WWP2: variants seen among roughly 807,000 people sequenced by gnomAD.
The protein encoded by WWP2 is NEDD4-like E3 ubiquitin-protein ligase WWP2.
In WWP2, 57 loss-of-function variants were observed where a neutral mutation model predicts 121.0. The observed-to-expected ratio is 0.47, with a 90% CI of 0.38 to 0.59. The LOEUF (loss-of-function observed/expected upper bound fraction) is 0.59, where lower values mean the gene tolerates loss of function less well. Among genes scored for constraint, WWP2 ranks in the 20% least tolerant of loss-of-function variants. WWP2 has a pLI of 0.00. For synonymous variants in WWP2, 449 were observed against 441.3 expected, an observed-to-expected ratio of 1.02 and a Z score of -0.22; for missense variants, 962 against 1,158.9, an observed-to-expected ratio of 0.83 and a Z score of 2.47.
At chr16:69,882,995 A>T (rs1361428732) in intron 7 of WWP2, among the ~76,000 whole-genome samples, 1 of 151,958 alleles carries the variant, frequency 6.6e-6, no homozygotes, top group Non-Finnish European at 1.5e-5. Flanking sequence ...TCTACTAAAA[A>T]TACAAAAATT....
At chr16:69,920,661 T>G (rs991793541) in intron 10 of WWP2, among the ~76,000 whole-genome samples, 2 of 151,836 alleles carry the variant, frequency 1.3e-5, no homozygotes, top group Non-Finnish European at 2.9e-5. Flanking sequence ...GGTGCACACC[T>G]GTAATTCCAG....
At chr16:69,926,321 G>A (rs1465562942) in intron 11 of WWP2, among the ~76,000 whole-genome samples, 2 of 152,284 alleles carry the variant, frequency 1.3e-5, no homozygotes, top group East Asian at 3.9e-4. Flanking sequence ...CAGTTTTTGC[G>A]GGAACCAGCA....
intron 21 of WWP2, among the ~76,000 whole-genome samples, chr16:69,938,180 A>T (rs561600878): frequency 2.7e-5 from 4 of 148,584 alleles, no homozygotes; most frequent in Admixed American, 6.7e-5. Context: ...TTAACTATTA[A>T]TTTTTTTTTT....
intron 7 of WWP2, among the ~76,000 whole-genome samples, chr16:69,885,731 C>T (rs1271218221): frequency 6.6e-6 from 1 of 152,152 alleles, no homozygotes; most frequent in Non-Finnish European, 1.5e-5. Flanking sequence ...GGTGTTGTAG[C>T]CTCTTTGAGC....
At chr16:69,877,931 C>A (rs1056738053) in intron 7 of WWP2, among the ~76,000 whole-genome samples, 1 of 152,160 alleles carries the variant, frequency 6.6e-6, no homozygotes, top group South Asian at 2.1e-4. Flanking sequence ...CCTCAGCCCC[C>A]CCAGTAGCTG....
intron 7 of WWP2, among the ~76,000 whole-genome samples, chr16:69,876,963 A>C (rs2057746335): frequency 6.6e-6 from 1 of 152,144 alleles, no homozygotes; most frequent in Non-Finnish European, 1.5e-5. Context: ...AGCAGAGTAG[A>C]TTTAGCATAA....
chr16:69,867,278 C>T (rs1327162165), intron 6 of WWP2, among the ~76,000 whole-genome samples: 1 of 152,142 alleles, frequency 6.6e-6, no homozygotes, highest in African/African-American at 2.4e-5. Context: ...GGCTCACTCA[C>T]CAGCAGGTGG....
chr16:69,799,712 C>A lies in WWP2; in HGVS notation c.340+417C>A, dbSNP rs893665155. On this transcript the variant is annotated intron_variant, in intron 4 of 23. Transcript: ENST00000359154. This position sits in a 1 kb window ranked among gnomAD's most constrained non-coding sequence, Gnocchi z 4.5. ...TACGTATATGTGTGTGTGTGCATGC[C>A]TGTGTGCATGTGTGCACGTGTGTGT... 6.6e-6 allele frequency among the ~76,000 whole-genome samples: 1 copy of A among 152,014 alleles called. No individual in the cohort carries two copies. The highest frequency in any genetic ancestry group is 2.4e-5 in the African/African-American group (1 of 41,312).
Position 69,827,266 on chromosome 16 carries a change from T to G in WWP2, c.341-12860T>G, listed in dbSNP as rs187679915. ...ATTTTTCCCTGGTTCATTTATTTCTTTGCCCCTTTGTATACTTATTTTTAC... is the reference window on the plus strand; with the variant it reads ...ATTTTTCCCTGGTTCATTTATTTCTGTGCCCCTTTGTATACTTATTTTTAC... On this transcript the variant is annotated intron_variant, in intron 4 of 23. Transcript: ENST00000359154. Among the ~76,000 whole-genome samples the G allele has an allele frequency of 1.9e-3, 292 of 152,288 alleles. 3 individuals are homozygous for G. The highest frequency in any genetic ancestry group is 6.6e-3 in the African/African-American group (273 of 41,564).
intron 4 of WWP2, among the ~76,000 whole-genome samples, chr16:69,839,703 C>G (rs2056940175): frequency 6.6e-6 from 1 of 152,222 alleles, no homozygotes; most frequent in Admixed American, 6.5e-5. Context: ...CCTGCAATCC[C>G]TCATCTAGAT....
rs2058621934 is a variant in WWP2 at position 69,925,199 on chromosome 16, T to C, written c.1180-231T>C. Reference sequence around the variant, plus strand: ...CCCGTCGCTCTGCCTTTTCCAAAACTCACTTGGGCCCTCCGTGCGCAGGGT... The same window carrying C: ...CCCGTCGCTCTGCCTTTTCCAAAACCCACTTGGGCCCTCCGTGCGCAGGGT... On this transcript the variant is annotated intron_variant, in intron 10 of 23. Transcript: ENST00000359154. This position sits in a 1 kb window ranked among gnomAD's most constrained non-coding sequence, Gnocchi z 4.0. The C allele has an allele frequency of 7.4e-7, 1 of 1,355,804 alleles. No individual in the cohort carries two copies. The highest frequency in any genetic ancestry group is 9.5e-7 in the Non-Finnish European group (1 of 1,053,094). The allele number at this position is 1,355,804 out of a possible 1,614,324, so 84.0% of individuals were successfully genotyped here.
At chr16:69,917,585 G>T in intron 9 of WWP2, 124 bp from the exon 10 acceptor site, 1 of 1,146,024 alleles carries the variant, frequency 8.7e-7, no homozygotes. Flanking sequence ...GCTATAATCA[G>T]CTAAGCCCCA....
In WWP2 at chr16:69,799,160, TA is replaced by T. The variant is rs1463525949; in HGVS notation, c.219-13del. The T allele has an allele frequency of 6.2e-7, 1 of 1,607,654 alleles. No homozygotes were observed. Among genetic ancestry groups the T allele is most frequent in the Admixed American group, 1.7e-5 (1 of 58,348 alleles). On this transcript the variant is annotated splice_polypyrimidine_tract_variant and intron_variant, in intron 3 of 23. Transcript: ENST00000359154. This position sits in a 1 kb window ranked among gnomAD's most constrained non-coding sequence, Gnocchi z 4.5. ...ATCTGCTTGGATGTAATGAATCAGG[TA>T]TTTGTTTTTCAGGAATGTCACGGCA...
intron 7 of WWP2, among the ~76,000 whole-genome samples, chr16:69,878,765 C>G (rs781423690): frequency 3.3e-5 from 5 of 152,114 alleles, no homozygotes; most frequent in Non-Finnish European, 7.4e-5. Context: ...CTAACCATTC[C>G]TTAATTCTTG....
chr16:69,798,227 A>G (rs187072361), intron 2 of WWP2, among the ~76,000 whole-genome samples: 1 of 152,338 alleles, frequency 6.6e-6, no homozygotes, highest in African/African-American at 2.4e-5. Context: ...ATACTCAAGA[A>G]AGGCATGCAG....
chr16:69,869,098 G>A (rs1307019366), intron 6 of WWP2, among the ~76,000 whole-genome samples: 2 of 152,142 alleles, frequency 1.3e-5, no homozygotes, highest in Non-Finnish European at 2.9e-5. Context: ...ATGTTGGCCA[G>A]GCTGGTCTCG....
At chr16:69,770,560 A>C (rs1292828996) in intron 1 of WWP2, among the ~76,000 whole-genome samples, 1 of 152,174 alleles carries the variant, frequency 6.6e-6, no homozygotes, top group Non-Finnish European at 1.5e-5. Flanking sequence ...AATGCAAATA[A>C]AGTGTTTCCT....
intron 6 of WWP2, among the ~76,000 whole-genome samples, chr16:69,847,242 G>A (rs1412539846): frequency 1.3e-5 from 2 of 151,886 alleles, no homozygotes; most frequent in Non-Finnish European, 2.9e-5. Context: ...ATGCCACCAT[G>A]CCCGACTAAT....
intron 6 of WWP2, among the ~76,000 whole-genome samples, chr16:69,866,850 ATTTTT>A (rs1447540882): frequency 3.0e-5 from 3 of 99,598 alleles, no homozygotes; most frequent in African/African-American, 1.1e-4. Flanking sequence ...TTATTTATTT[ATTTTT>A]GAGACGGAGT....
Sources: allele counts gnomAD v4.1 joint callset (sites outside exome capture counted in the v4.1 genomes callset), GRCh38; gene constraint gnomAD v4.1.1; non-coding constraint Gnocchi (gnomAD v3.1); transcripts MANE v1.5; gene names NCBI Gene and HGNC (gene_info 2026-07-23, HGNC 2026-07-21).